The following ADGRL2 variants were observed in gnomAD, a reference collection of about 807,000 sequenced individuals.
ADGRL2 encodes adhesion G protein-coupled receptor L2.
In ADGRL2, 44 loss-of-function variants were observed where a neutral mutation model predicts 157.4. The observed-to-expected ratio is 0.28, with a 90% CI of 0.22 to 0.36. The LOEUF (loss-of-function observed/expected upper bound fraction) is 0.36. Ranked by LOEUF, ADGRL2 falls within the 10% of genes least tolerant of loss-of-function variation. ADGRL2 has a pLI of 1.00. For synonymous variants in ADGRL2, 585 were observed against 624.7 expected (o/e 0.94, Z 0.95); for missense variants, 1,510 against 1,768.9 (o/e 0.85, Z 2.63).
intron 3 of ADGRL2, among the ~76,000 whole-genome samples, chr1:81,630,435 C>T (rs2081989988): frequency 6.6e-6 from 1 of 152,110 alleles, no homozygotes; most frequent in South Asian, 2.1e-4. Flanking sequence ...GAGTCTGAAC[C>T]AATCTCATAG....
chr1:81,413,134 C>T (rs1163587563), intron 1 of ADGRL2, among the ~76,000 whole-genome samples: 1 of 152,070 alleles, frequency 6.6e-6, no homozygotes, highest in Non-Finnish European at 1.5e-5. Flanking sequence ...TTCCTGACTC[C>T]CTGGATGTAG....
chr1:81,306,403 T>C (rs1373929891), exon 1 of ADGRL2: 1 of 152,140 alleles, frequency 6.6e-6, no homozygotes, highest in Non-Finnish European at 1.5e-5. Flanking sequence ...AGAACTGCTG[T>C]ATGTATACAG....
chr1:81,433,075 C>T (rs537182613), intron 1 of ADGRL2, among the ~76,000 whole-genome samples: 5 of 152,214 alleles, frequency 3.3e-5, no homozygotes, highest in Admixed American at 2.0e-4. Flanking sequence ...TACAGACATC[C>T]GGTCACTCCT....
At chr1:81,848,062 A>G (rs1017744017) in intron 2 of ADGRL2, among the ~76,000 whole-genome samples, 2 of 151,758 alleles carry the variant, frequency 1.3e-5, no homozygotes, top group African/African-American at 2.4e-5. Flanking sequence ...TTAGTATTGT[A>G]TAGAATCAAA....
In ADGRL2 at chr1:81,943,894, TGTG is replaced by T. The variant is rs1648894942; in HGVS notation, c.1210+128_1210+130del. The T allele has an allele frequency of 5.6e-6, 4 of 709,376 alleles. No homozygotes were observed. The highest frequency in any genetic ancestry group is 9.3e-6 in the Non-Finnish European group (4 of 430,554). 43.9% of individuals were successfully genotyped at this position (709,376 alleles called of 1,614,324 possible). A position where few individuals can be genotyped will look rare whatever the true frequency, so the allele number is the denominator to read the frequency against. On this transcript the variant is annotated intron_variant, in intron 6 of 23. Coordinates refer to ENST00000686636, the MANE Select transcript of ADGRL2 (RefSeq NM_001366006.2). The surrounding 1 kb of genome is among the most constrained non-coding windows in gnomAD (Gnocchi z 5.6). Reference sequence around the variant, plus strand: ...ATAGTTAAAGGACAAAGGACAATGTTGTGGTACATTTTAGCCTTATTATGGTTC... The same window carrying T: ...ATAGTTAAAGGACAAAGGACAATGTTGTACATTTTAGCCTTATTATGGTTC...
intron 2 of ADGRL2, among the ~76,000 whole-genome samples, chr1:81,498,870 GA>G (rs200657921): frequency 2.0e-5 from 3 of 151,716 alleles, no homozygotes; most frequent in Non-Finnish European, 4.4e-5. Context: ...CAATAAGAAA[GA>G]AAAAAAATGG....
intron 2 of ADGRL2, among the ~76,000 whole-genome samples, chr1:81,500,906 T>C (rs2148011577): frequency 6.6e-6 from 1 of 152,346 alleles, no homozygotes; most frequent in South Asian, 2.1e-4. Context: ...AGAAACTCTT[T>C]GATATCCAAA....
At position 81,872,100 on chromosome 1, in the gene ADGRL2, A is replaced by C. The variant is rs567422571; in HGVS notation, c.74-34917A>C. On this transcript the variant is annotated intron_variant, in intron 2 of 23. Transcript: ENST00000686636. ...TAAGTCTTTAATCCATCTTGAATTA[A>C]TTTTTGTATAAGGTGTAAGGAAAGG... Among the ~76,000 whole-genome samples, 6 of 152,300 alleles carry C rather than the reference A, an allele frequency of 3.9e-5. No individual in the cohort carries two copies. In the East Asian group the frequency reaches 9.6e-4, roughly 24 times the overall value.
At chr1:81,585,528 GTAT>G (rs1383427334) in intron 3 of ADGRL2, among the ~76,000 whole-genome samples, 1 of 152,094 alleles carries the variant, frequency 6.6e-6, no homozygotes, top group Non-Finnish European at 1.5e-5. Context: ...CAAACAGGAA[GTAT>G]TATTATGCAT....
intron 2 of ADGRL2, among the ~76,000 whole-genome samples, chr1:81,519,483 A>G (rs947437508): frequency 1.3e-5 from 2 of 152,350 alleles, no homozygotes; most frequent in Admixed American, 6.5e-5. Context: ...GTTGTATAAC[A>G]AAAGATACTA....
chr1:81,399,119 T>C (rs1335344369), intron 1 of ADGRL2, among the ~76,000 whole-genome samples: 1 of 152,100 alleles, frequency 6.6e-6, no homozygotes. Flanking sequence ...CATCTTACCA[T>C]GGCAAAGCAA....
chr1:81,920,121 G>A (rs2094943741), intron 3 of ADGRL2, among the ~76,000 whole-genome samples: 1 of 152,094 alleles, frequency 6.6e-6, no homozygotes, highest in Non-Finnish European at 1.5e-5. Flanking sequence ...AGTTTGAGAA[G>A]CAATGGTTTT....
chr1:81,767,086 A>G (rs766199859), intron 2 of ADGRL2, among the ~76,000 whole-genome samples: 29 of 152,140 alleles, frequency 1.9e-4, no homozygotes, highest in Non-Finnish European at 3.8e-4. Context: ...ATGTTTTGCA[A>G]CAATATGTAA....
chr1:81,678,983 T>A (rs1337597506), intron 3 of ADGRL2, among the ~76,000 whole-genome samples: 1 of 152,166 alleles, frequency 6.6e-6, no homozygotes, highest in Non-Finnish European at 1.5e-5. Context: ...ATAAAGCTGC[T>A]ATTATTCAGC....
chr1:81,800,432 C>G (rs2087860898), upstream of ADGRL2: 1 of 152,084 alleles, frequency 6.6e-6, no homozygotes, highest in South Asian at 2.1e-4. Flanking sequence ...CATGCAGTTA[C>G]ACAAAAGGAG....
At chr1:81,941,178 T>G (rs1179684030) in intron 4 of ADGRL2, among the ~76,000 whole-genome samples, 1 of 86,600 alleles carries the variant, frequency 1.2e-5, no homozygotes, top group Non-Finnish European at 2.2e-5. Flanking sequence ...TGTATTTTGC[T>G]TACTTTTTTT....
intron 2 of ADGRL2, chr1:81,505,148 C>A: frequency 2.1e-6 from 1 of 472,274 alleles, no homozygotes; most frequent in Non-Finnish European, 4.0e-6. Context: ...AGCTGCAGCT[C>A]TGCTCAACTG....
At chr1:81,541,145 T>G (rs571172486) in intron 2 of ADGRL2, among the ~76,000 whole-genome samples, 2 of 152,314 alleles carry the variant, frequency 1.3e-5, no homozygotes, top group Admixed American at 1.3e-4. Context: ...AGAACTTCTC[T>G]GATACCTTAT....
rs115637238 is a variant in ADGRL2, at chr1:81,438,217, A to G, written c.-301-6819A>G. Among the ~76,000 whole-genome samples, 1,106 of 152,318 alleles carry G rather than the reference A, an allele frequency of 7.3e-3. 13 individuals carry two copies. Among genetic ancestry groups the G allele is most frequent in the African/African-American group, 0.025 (1,033 of 41,566 alleles). On this transcript the variant is annotated intron_variant, in intron 1 of 24. Coordinates refer to the ADGRL2 transcript ENST00000370721. ...AAAATGGCTCTTTGAGATGGTAACAATGGAGTTCTGGCTCCAGCTTATACC... is the reference window on the plus strand; with the variant it reads ...AAAATGGCTCTTTGAGATGGTAACAGTGGAGTTCTGGCTCCAGCTTATACC...
Sources: allele counts gnomAD v4.1 joint callset (sites outside exome capture counted in the v4.1 genomes callset), GRCh38; gene constraint gnomAD v4.1.1; non-coding constraint Gnocchi (gnomAD v3.1); transcripts MANE v1.5; gene names NCBI Gene and HGNC (gene_info 2026-07-23, HGNC 2026-07-21).